PLCXD3: variants seen among roughly 807,000 people sequenced by gnomAD.
PLCXD3 encodes PI-PLC X domain-containing protein 3.
A neutral mutation model predicts 25.5 loss-of-function variants in PLCXD3; 19 were observed. That is an observed-to-expected ratio of 0.75 (90% CI 0.52 to 1.09). The LOEUF (loss-of-function observed/expected upper bound fraction) is 1.09, where lower values mean the gene tolerates loss of function less well. Ranked by LOEUF, PLCXD3 falls within the 50% of genes least tolerant of loss-of-function variation. The pLI is 0.00. For missense variants in PLCXD3, 411 were observed against 388.1 expected, an observed-to-expected ratio of 1.06 and a Z score of -0.50; for synonymous variants, 174 against 137.6, an observed-to-expected ratio of 1.26 and a Z score of -1.85.
chr5:41,481,102 T>TAAAA lies in PLCXD3; in HGVS notation c.103+29318_103+29321dup, dbSNP rs554092157. The stretch of plus-strand genomic sequence containing the variant: ...GAAGAAATAATGAAGACCTAATTTG[T>TAAAA]AAAAAAAAAAAAAAAAAAAAAAAAA... On this transcript the variant is annotated intron_variant, in intron 1 of 2. Transcript: ENST00000377801. Among the ~76,000 whole-genome samples, 490 of 72,102 alleles carry TAAAA rather than the reference T, an allele frequency of 6.8e-3. 2 individuals are homozygous for TAAAA. Among genetic ancestry groups the TAAAA allele is most frequent in the African/African-American group, 0.016 (296 of 18,554 alleles). 47.3% of individuals were successfully genotyped at this position (72,102 alleles called of 152,430 possible). A position where few individuals can be genotyped will look rare whatever the true frequency, so the allele number is the denominator to read the frequency against.
chr5:41,402,166 G>A (rs1746204801), intron 1 of PLCXD3, among the ~76,000 whole-genome samples: 1 of 151,222 alleles, frequency 6.6e-6, no homozygotes, highest in Non-Finnish European at 1.5e-5. Context: ...GCTTTTTAAG[G>A]CTGAAATTTA....
chr5:41,461,806 C>T (rs563193870), intron 1 of PLCXD3, among the ~76,000 whole-genome samples: 4 of 152,070 alleles, frequency 2.6e-5, no homozygotes, highest in African/African-American at 9.6e-5. Context: ...TCTGCGTTGA[C>T]ACCTCAGCCC....
At chr5:41,345,226 A>G (rs747547435) in intron 2 of PLCXD3, among the ~76,000 whole-genome samples, 60 of 152,232 alleles carry the variant, frequency 3.9e-4, no homozygotes, top group Non-Finnish European at 7.2e-4. Context: ...CTTTGGCTAA[A>G]TCTAACCAGA....
chr5:41,377,396 T>A (rs528115390), intron 2 of PLCXD3, among the ~76,000 whole-genome samples: 1 of 152,182 alleles, frequency 6.6e-6, no homozygotes, highest in South Asian at 2.1e-4. Flanking sequence ...AGCATCACTT[T>A]ACTTGCAAAG....
chr5:41,437,297 A>C (rs1003672427), intron 1 of PLCXD3, among the ~76,000 whole-genome samples: 1 of 152,250 alleles, frequency 6.6e-6, no homozygotes, highest in African/African-American at 2.4e-5. Context: ...AAAATGATGA[A>C]GCTCTGGCCA....
intron 1 of PLCXD3, among the ~76,000 whole-genome samples, chr5:41,491,078 A>G (rs1434627600): frequency 6.6e-6 from 1 of 152,204 alleles, no homozygotes; most frequent in Non-Finnish European, 1.5e-5. Context: ...ATTTAGTGCT[A>G]TAAATTTCCC....
At chr5:41,389,922 C>A (rs985980633) in intron 1 of PLCXD3, among the ~76,000 whole-genome samples, 3 of 151,990 alleles carry the variant, frequency 2.0e-5, no homozygotes, top group Non-Finnish European at 4.4e-5. Flanking sequence ...AAAATGTATG[C>A]ATCCAAGCAA....
At chr5:41,425,464 C>T (rs1746933628) in intron 1 of PLCXD3, among the ~76,000 whole-genome samples, 1 of 152,136 alleles carries the variant, frequency 6.6e-6, no homozygotes, top group African/African-American at 2.4e-5. Flanking sequence ...AAGTGATGAA[C>T]CTGTATTGAC....
In PLCXD3 at chr5:41,351,601, C is replaced by T. The variant is rs140929034; in HGVS notation, c.812+30225G>A. On this transcript the variant is annotated intron_variant, in intron 2 of 2. Coordinates refer to ENST00000377801, the MANE Select transcript of PLCXD3 (RefSeq NM_001005473.3). ...TTTTAGGTCCAACTCTACTAAATTG[C>T]ACCTTGGCTTGTGGTCTTCAGTTTT... Among the ~76,000 whole-genome samples, 72 of 152,290 alleles carry T rather than the reference C, an allele frequency of 4.7e-4. 1 individual carries two copies. The highest frequency in any genetic ancestry group is 1.7e-3 in the African/African-American group (69 of 41,560).
intron 1 of PLCXD3, among the ~76,000 whole-genome samples, chr5:41,467,979 A>C (rs963846521): frequency 7.0e-6 from 1 of 142,468 alleles, no homozygotes; most frequent in Non-Finnish European, 1.5e-5. Context: ...TATGTTTTGA[A>C]ATCAGGAGTG....
intron 1 of PLCXD3, among the ~76,000 whole-genome samples, chr5:41,484,227 C>T (rs1308419453): frequency 6.6e-6 from 1 of 150,656 alleles, no homozygotes; most frequent in East Asian, 2.0e-4. Context: ...AAGTCTGTGA[C>T]TTAAGATCCT....
At chr5:41,368,142 G>C (rs1744990907) in intron 2 of PLCXD3, among the ~76,000 whole-genome samples, 1 of 152,118 alleles carries the variant, frequency 6.6e-6, no homozygotes, top group Admixed American at 6.5e-5. Flanking sequence ...TCTTTGAGCA[G>C]TGGTTTTTAG....
chr5:41,384,537 T>C (rs889617909), intron 1 of PLCXD3, among the ~76,000 whole-genome samples: 11 of 152,096 alleles, frequency 7.2e-5, no homozygotes, highest in Non-Finnish European at 4.4e-5. Flanking sequence ...AATTGGTTAC[T>C]TCTGTAATCT....
At chr5:41,340,600 C>T (rs1306623258) in intron 2 of PLCXD3, among the ~76,000 whole-genome samples, 3 of 152,032 alleles carry the variant, frequency 2.0e-5, no homozygotes, top group Non-Finnish European at 2.9e-5. Flanking sequence ...TGCGTGCATC[C>T]GTTGCTCATC....
At chr5:41,439,199 G>A (rs1442417977) in intron 1 of PLCXD3, among the ~76,000 whole-genome samples, 1 of 152,016 alleles carries the variant, frequency 6.6e-6, no homozygotes, top group Non-Finnish European at 1.5e-5. Flanking sequence ...TGGAAAATTT[G>A]TCCATAAAAA....
At chr5:41,328,212 A>G (rs1561233359) in intron 2 of PLCXD3, among the ~76,000 whole-genome samples, 1 of 152,162 alleles carries the variant, frequency 6.6e-6, no homozygotes, top group African/African-American at 2.4e-5. Flanking sequence ...TAAATTAGTT[A>G]GTACATGTAG....
chr5:41,379,320 G>A (rs1188815150), intron 2 of PLCXD3, among the ~76,000 whole-genome samples: 1 of 152,066 alleles, frequency 6.6e-6, no homozygotes, highest in African/African-American at 2.4e-5. Context: ...GAGAAAGGGG[G>A]TAAATTGTTA....
intron 1 of PLCXD3, among the ~76,000 whole-genome samples, chr5:41,419,543 C>T (rs922441141): frequency 1.3e-5 from 2 of 152,072 alleles, no homozygotes; most frequent in Non-Finnish European, 2.9e-5. Context: ...TCCATGTTAA[C>T]CATGAAGCAA....
chr5:41,407,584 T>C (rs1746389727), intron 1 of PLCXD3, among the ~76,000 whole-genome samples: 1 of 152,198 alleles, frequency 6.6e-6, no homozygotes, highest in Non-Finnish European at 1.5e-5. Context: ...ATTGAGTCTT[T>C]ATGAACAATC....
Sources: gnomAD v4.1 joint callset for allele counts (sites outside exome capture counted in the v4.1 genomes callset) on GRCh38, gnomAD v4.1.1 for gene constraint, MANE v1.5 for transcripts, NCBI Gene and HGNC (gene_info 2026-07-23, HGNC 2026-07-21) for gene names.